Variants in NUF2 observed in about 807,000 individuals in gnomAD.
NUF2 encodes NUF2 component of NDC80 kinetochore complex.
NUF2 carries 34 observed loss-of-function variants against 61.8 expected under a neutral mutation model. The ratio of observed to expected loss-of-function variants is 0.55; its 90% CI spans 0.42 to 0.73. The LOEUF is 0.73. Ranked by LOEUF, NUF2 falls within the 30% of genes least tolerant of loss-of-function variation. The pLI is 0.00. For missense variants in NUF2, 445 were observed against 539.1 expected, an observed-to-expected ratio of 0.83 and a Z score of 1.73; for synonymous variants, 172 against 181.6, an observed-to-expected ratio of 0.95 and a Z score of 0.42.
rs1651449356 is a variant in NUF2 at position 163,355,234 on chromosome 1, A to G, written c.1261-101A>G. The G allele has an allele frequency of 4.4e-6, 4 of 915,064 alleles. No individual in the cohort carries two copies. The East Asian group carries it at 1.1e-4, about 25-fold the overall frequency. 56.7% of individuals were successfully genotyped at this position (915,064 alleles called of 1,614,324 possible). ...GTGTGTGCATAAGAATTTAGGCTTTAAAATATTAATAAATATGAATAAACT... is the reference window on the plus strand; with the variant it reads ...GTGTGTGCATAAGAATTTAGGCTTTGAAATATTAATAAATATGAATAAACT... On this transcript the variant is annotated intron_variant, in intron 13 of 13. Coordinates refer to ENST00000271452, the MANE Select transcript of NUF2 (RefSeq NM_145697.3).
intron 5 of NUF2, among the ~76,000 whole-genome samples, chr1:163,329,633 C>T (rs1650535178): frequency 6.6e-6 from 1 of 152,122 alleles, no homozygotes. Flanking sequence ...TTTAAGTGAC[C>T]AGATCTTGTG....
At chr1:163,336,251 C>T (rs1488476473) in intron 5 of NUF2, among the ~76,000 whole-genome samples, 2 of 152,146 alleles carry the variant, frequency 1.3e-5, no homozygotes, top group Non-Finnish European at 2.9e-5. Context: ...CATCTTAATA[C>T]TCAGTTCCAT....
chr1:163,342,520 A>G (rs997945264), intron 9 of NUF2, among the ~76,000 whole-genome samples: 1 of 152,196 alleles, frequency 6.6e-6, no homozygotes, highest in Admixed American at 6.5e-5. Flanking sequence ...CATTATATCT[A>G]ACATTCAGTT....
In NUF2 at chr1:163,326,000, G is replaced by A. The variant is rs1399701407; in HGVS notation, c.-20-32G>A. 29 of 1,557,162 alleles carry A rather than the reference G, an allele frequency of 1.9e-5. No homozygotes were observed. In the African/African-American group the frequency reaches 2.4e-4, roughly 13 times the overall value. Reference sequence around the variant, plus strand: ...CCAGATAATGAGAACTACTGATCATGTGGTATTTCTCATTGTTTTTTCTTC... The same window carrying A: ...CCAGATAATGAGAACTACTGATCATATGGTATTTCTCATTGTTTTTTCTTC... On this transcript the variant is annotated intron_variant, in intron 1 of 13. Transcript: ENST00000271452.
chr1:163,335,195 G>A (rs572840727), intron 5 of NUF2, among the ~76,000 whole-genome samples: 24 of 151,980 alleles, frequency 1.6e-4, no homozygotes, highest in Admixed American at 9.2e-4. Flanking sequence ...CTTGTGATCC[G>A]CCCACCTCGG....
At chr1:163,353,867 C>T (rs1030394842) in intron 13 of NUF2, among the ~76,000 whole-genome samples, 1 of 152,116 alleles carries the variant, frequency 6.6e-6, no homozygotes, top group Non-Finnish European at 1.5e-5. Flanking sequence ...GGATTTTGCT[C>T]CTCCTTGAGA....
chr1:163,335,331 T>G (rs1650722041), intron 5 of NUF2, among the ~76,000 whole-genome samples: 1 of 152,202 alleles, frequency 6.6e-6, no homozygotes, highest in South Asian at 2.1e-4. Context: ...TAGCAGATAC[T>G]GAGGGACTAC....
chr1:163,322,397 G>C (rs1199158956), intron 1 of NUF2, among the ~76,000 whole-genome samples, 185 bp downstream of exon 1: 5 of 152,164 alleles, frequency 3.3e-5, no homozygotes, highest in African/African-American at 1.2e-4. Context: ...GTGGTAATGT[G>C]GTTTATTTGG....
rs144627000 is a variant in NUF2, at chr1:163,339,476, C to T, written c.605C>T (p.Thr202Met). 2.0e-5 allele frequency: 32 copies of T among 1,597,332 alleles called. No individual in the cohort carries two copies. The highest frequency in any genetic ancestry group is 5.4e-5 in the African/African-American group (4 of 74,632). ...QSLNQDFHQKTIVLQEGNSQK... is the reference protein window; with the variant it reads ...QSLNQDFHQKMIVLQEGNSQK... ...CTAAATCAGGATTTTCATCAAAAAACGGTATCTGTTGTGAGGCACCTTAAA... is the reference window on the plus strand; with the variant it reads ...CTAAATCAGGATTTTCATCAAAAAATGGTATCTGTTGTGAGGCACCTTAAA... Residue 202 changes from threonine (T) to methionine (M), a missense_variant and splice_region_variant, in exon 8 of 14, where the codon ACG (threonine) becomes ATG (methionine). Coordinates refer to ENST00000271452, the MANE Select transcript of NUF2 (RefSeq NM_145697.3).
At chr1:163,338,236 T>TAAA in intron 7 of NUF2, 143 bp downstream of exon 7, 1 of 363,080 alleles carries the variant, frequency 2.8e-6, no homozygotes, top group East Asian at 4.0e-5. Flanking sequence ...TTGCCTTTTC[T>TAAA]TAAAAAAAAA....
intron 1 of NUF2, chr1:163,323,004 G>A (rs1357874496): frequency 6.6e-6 from 1 of 152,212 alleles, no homozygotes; most frequent in Non-Finnish European, 1.5e-5. Flanking sequence ...GTTTGGGAAA[G>A]TTAGGAGACT....
At chr1:163,349,566 G>C (rs1651244809) in intron 13 of NUF2, among the ~76,000 whole-genome samples, 1 of 151,620 alleles carries the variant, frequency 6.6e-6, no homozygotes, top group Admixed American at 6.6e-5. Context: ...TGTTTACATT[G>C]ACAACTTAGA....
chr1:163,331,025 C>CTTTTTTTT (rs35181525), intron 5 of NUF2, among the ~76,000 whole-genome samples: 12 of 134,936 alleles, frequency 8.9e-5, no homozygotes, highest in African/African-American at 1.7e-4. Flanking sequence ...GCCTTTTATT[C>CTTTTTTTT]TTTTTTTTTT....
intron 5 of NUF2, among the ~76,000 whole-genome samples, chr1:163,329,365 C>T (rs1650527901): frequency 6.6e-6 from 1 of 152,056 alleles, no homozygotes; most frequent in African/African-American, 2.4e-5. Flanking sequence ...CATCAAGTTA[C>T]TGTAAGTTAA....
Position 163,339,376 on chromosome 1 carries a change from T to C in NUF2, c.510-5T>C. 6.3e-7 allele frequency: 1 copy of C among 1,594,432 alleles called. No individual in the cohort carries two copies. The highest frequency in any genetic ancestry group is 8.6e-7 in the Non-Finnish European group (1 of 1,162,904). ...CAGTATTTTAATCTATTTTGCTGTG[T>C]TAAGTTCTGTTCCAGTTGAAGAGCA... On this transcript the variant is annotated splice_region_variant and splice_polypyrimidine_tract_variant and intron_variant, in intron 7 of 13. Transcript: ENST00000271452.
chr1:163,340,503 T>C (rs1320742812), intron 9 of NUF2, 77 bp downstream of exon 9: 1 of 987,738 alleles, frequency 1.0e-6, no homozygotes, highest in African/African-American at 1.7e-5. Flanking sequence ...GTGTGTGTTA[T>C]TATGGGCAAA....
intron 8 of NUF2, among the ~76,000 whole-genome samples, chr1:163,339,907 G>A (rs35312491): frequency 0.17 from 25,672 of 151,894 alleles, 2,258 homozygotes; most frequent in Non-Finnish European, 0.19. Context: ...TCATATCCTT[G>A]TGCAGCTGGG....
intron 5 of NUF2, among the ~76,000 whole-genome samples, chr1:163,331,421 T>C (rs1163789505): frequency 6.6e-6 from 1 of 151,962 alleles, no homozygotes; most frequent in Non-Finnish European, 1.5e-5. Flanking sequence ...TTTATTAAGT[T>C]TTTTTGTCTG....
rs1305440289 is a variant in NUF2 at position 163,327,660 on chromosome 1, A to T, written c.198+98A>T. On this transcript the variant is annotated intron_variant, in intron 3 of 13. Coordinates refer to ENST00000271452, the MANE Select transcript of NUF2 (RefSeq NM_145697.3). ...CTTACAATGCATACTGGCTTTTAGG[A>T]TAGGAAGTTCTTGACTTTATTTTTA... The T allele has an allele frequency of 4.1e-6, 3 of 730,178 alleles. No homozygotes were observed. The African/African-American group carries it at 5.4e-5, about 13-fold the overall frequency. The allele number at this position is 730,178 out of a possible 1,614,324, so 45.2% of individuals were successfully genotyped here. A position where few individuals can be genotyped will look rare whatever the true frequency, so the allele number is the denominator to read the frequency against.
Sources: allele counts gnomAD v4.1 joint callset (sites outside exome capture counted in the v4.1 genomes callset), GRCh38; gene constraint gnomAD v4.1.1; transcripts MANE v1.5; gene names NCBI Gene and HGNC (gene_info 2026-07-23, HGNC 2026-07-21).